SNTG1: variants seen among roughly 807,000 people sequenced by gnomAD.
The protein encoded by SNTG1 is gamma-1-syntrophin.
In SNTG1, 39 loss-of-function variants were observed where a neutral mutation model predicts 74.7. The observed-to-expected ratio is 0.52, with a 90% CI of 0.40 to 0.68. SNTG1 has a LOEUF of 0.68. Ranked by LOEUF, SNTG1 falls within the 30% of genes least tolerant of loss-of-function variation. The pLI is 0.00. For synonymous variants in SNTG1, 254 were observed against 217.1 expected (o/e 1.17, Z -1.49); for missense variants, 685 against 609.5 (o/e 1.12, Z -1.30).
At chr8:50,262,657 C>T (rs1053704475) in intron 2 of SNTG1, among the ~76,000 whole-genome samples, 17 of 152,268 alleles carry the variant, frequency 1.1e-4, no homozygotes, top group Admixed American at 6.5e-4. Flanking sequence ...GATCCACTCG[C>T]CTCGGCCTCC....
At chr8:49,916,039 T>G (rs916995423) in intron 1 of SNTG1, among the ~76,000 whole-genome samples, 1 of 152,210 alleles carries the variant, frequency 6.6e-6, no homozygotes, top group Non-Finnish European at 1.5e-5. Flanking sequence ...TCACTAAAAA[T>G]ATACTGACAG....
chr8:50,622,035 T>G (rs1284762289), intron 13 of SNTG1, among the ~76,000 whole-genome samples: 1 of 152,168 alleles, frequency 6.6e-6, no homozygotes, highest in Non-Finnish European at 1.5e-5. Flanking sequence ...ATGCCAGCAG[T>G]GCTCTTCCAC....
intron 1 of SNTG1, among the ~76,000 whole-genome samples, chr8:50,095,509 A>T (rs1390619671): frequency 6.6e-6 from 1 of 152,122 alleles, no homozygotes; most frequent in Non-Finnish European, 1.5e-5. Context: ...TATACAGTGG[A>T]TTTTATATAC....
intron 4 of SNTG1, among the ~76,000 whole-genome samples, chr8:50,432,717 C>A (rs727540): frequency 2.6e-5 from 4 of 151,426 alleles, no homozygotes; most frequent in African/African-American, 9.7e-5. Context: ...TATATAAATC[C>A]TATTAGTATT....
intron 12 of SNTG1, among the ~76,000 whole-genome samples, chr8:50,582,781 T>C (rs2094619483): frequency 6.6e-6 from 1 of 152,142 alleles, no homozygotes; most frequent in Admixed American, 6.5e-5. Flanking sequence ...TTTAAGAAAA[T>C]ACTACACAAA....
Position 50,182,414 on chromosome 8 carries a change from T to C in SNTG1, c.-28+9779T>C, listed in dbSNP as rs528872754. On this transcript the variant is annotated intron_variant, in intron 2 of 18. Coordinates refer to ENST00000642720, the MANE Select transcript of SNTG1 (RefSeq NM_018967.5). ...GACATGACATTAAACCATTTTTATATTGCAGGGTATAAACACTATAAGAAA... is the reference window on the plus strand; with the variant it reads ...GACATGACATTAAACCATTTTTATACTGCAGGGTATAAACACTATAAGAAA... 2.6e-4 allele frequency among the ~76,000 whole-genome samples: 40 copies of C among 152,286 alleles called. No individual in the cohort carries two copies. The South Asian group carries it at 8.1e-3, about 31-fold the overall frequency.
chr8:50,670,250 T>C (rs923600569), intron 15 of SNTG1, among the ~76,000 whole-genome samples: 1 of 152,174 alleles, frequency 6.6e-6, no homozygotes, highest in Non-Finnish European at 1.5e-5. Context: ...AGAAGTCAAA[T>C]TGTCCCTGTT....
At chr8:50,720,855 ATGT>A (rs778235592) in intron 17 of SNTG1, among the ~76,000 whole-genome samples, 2 of 152,206 alleles carry the variant, frequency 1.3e-5, no homozygotes, top group Admixed American at 6.5e-5. Flanking sequence ...GTTCTTTCAA[ATGT>A]TGTTGTTTTT....
chr8:50,594,846 A>C (rs2094716033), intron 13 of SNTG1, among the ~76,000 whole-genome samples: 2 of 152,274 alleles, frequency 1.3e-5, no homozygotes, highest in African/African-American at 4.8e-5. Context: ...TATTCAAGAA[A>C]AACAGCTGAG....
At chr8:50,727,331 C>A (rs971341779) in intron 17 of SNTG1, among the ~76,000 whole-genome samples, 1 of 152,094 alleles carries the variant, frequency 6.6e-6, no homozygotes, top group Non-Finnish European at 1.5e-5. Context: ...TCAAATATAT[C>A]AATTTTAATC....
chr8:50,214,774 A>G (rs988069518), intron 2 of SNTG1, among the ~76,000 whole-genome samples: 4 of 152,124 alleles, frequency 2.6e-5, no homozygotes, highest in Non-Finnish European at 5.9e-5. Context: ...CACTTAAAAT[A>G]AAAATAAAAG....
At chr8:50,343,192 G>A (rs1369740585) in intron 2 of SNTG1, among the ~76,000 whole-genome samples, 2 of 152,174 alleles carry the variant, frequency 1.3e-5, no homozygotes, top group Admixed American at 6.5e-5. Flanking sequence ...CTCCCAGTGA[G>A]TATACAGCTT....
intron 8 of SNTG1, chr8:50,457,144 T>G (rs1205928554): frequency 6.6e-6 from 1 of 152,222 alleles, no homozygotes; most frequent in African/African-American, 2.4e-5. Flanking sequence ...TGTCTTGCCC[T>G]CGTTTTTCTC....
intron 2 of SNTG1, among the ~76,000 whole-genome samples, chr8:50,372,683 T>C (rs1587363452): frequency 1.3e-5 from 2 of 152,112 alleles, no homozygotes; most frequent in Admixed American, 1.3e-4. Flanking sequence ...GCTCTGACAT[T>C]ATGTAACAGG....
chr8:50,402,043 T>G (rs2092812521), intron 3 of SNTG1, among the ~76,000 whole-genome samples, 167 bp from the exon 4 acceptor site: 2 of 152,208 alleles, frequency 1.3e-5, no homozygotes, highest in African/African-American at 2.4e-5. Context: ...CATTCTCCTT[T>G]TTTTCCCTTG....
intron 2 of SNTG1, among the ~76,000 whole-genome samples, chr8:50,186,948 G>T (rs1050341994): frequency 6.6e-6 from 1 of 152,040 alleles, no homozygotes; most frequent in Admixed American, 6.6e-5. Context: ...TTGTCATGAA[G>T]TCTTTGCCCA....
intron 10 of SNTG1, among the ~76,000 whole-genome samples, chr8:50,532,809 A>G (rs1216637055): frequency 6.6e-6 from 1 of 152,202 alleles, no homozygotes; most frequent in Non-Finnish European, 1.5e-5. Flanking sequence ...ATATGTGTAT[A>G]TTATAGACAG....
intron 2 of SNTG1, among the ~76,000 whole-genome samples, chr8:50,306,302 G>A (rs7834452): frequency 6.6e-6 from 1 of 151,272 alleles, no homozygotes; most frequent in Non-Finnish European, 1.5e-5. Context: ...TTGATTGATG[G>A]ACACTGGGGT....
intron 2 of SNTG1, among the ~76,000 whole-genome samples, chr8:50,242,132 C>T (rs1482969236): frequency 1.3e-5 from 2 of 151,570 alleles, no homozygotes; most frequent in Non-Finnish European, 2.9e-5. Context: ...TACATATATA[C>T]ATACATATAC....
Sources: allele counts gnomAD v4.1 joint callset (sites outside exome capture counted in the v4.1 genomes callset), GRCh38; gene constraint gnomAD v4.1.1; transcripts MANE v1.5; gene names NCBI Gene and HGNC (gene_info 2026-07-23, HGNC 2026-07-21).